The following ZZZ3 variants were observed in gnomAD, a reference collection of about 807,000 sequenced individuals.
ZZZ3 encodes the protein zinc finger ZZ-type containing 3.
Under a neutral mutation model 95.2 loss-of-function variants are expected in ZZZ3, and 22 were observed. That is an observed-to-expected ratio of 0.23 (90% confidence interval 0.17 to 0.33). The LOEUF is 0.33. Among genes scored for constraint, ZZZ3 ranks in the 10% least tolerant of loss-of-function variants. The pLI is 1.00. For synonymous variants in ZZZ3, 335 were observed against 358.9 expected (o/e 0.93, Z 0.75); for missense variants, 885 against 1,066.5 (o/e 0.83, Z 2.37).
intron 1 of ZZZ3, among the ~76,000 whole-genome samples, chr1:77,657,433 TA>T (rs969911983): frequency 1.4e-4 from 20 of 146,422 alleles, no homozygotes; most frequent in East Asian, 3.9e-4. Flanking sequence ...AAACCACCTC[TA>T]AAAAAAAAAG....
chr1:77,658,057 T>C (rs1238827266), intron 1 of ZZZ3, among the ~76,000 whole-genome samples: 1 of 151,642 alleles, frequency 6.6e-6, no homozygotes, highest in East Asian at 1.9e-4. Flanking sequence ...CACACACCTG[T>C]AATCCCAGCT....
chr1:77,596,935 T>C (rs753787166), intron 5 of ZZZ3, among the ~76,000 whole-genome samples: 15 of 152,090 alleles, frequency 9.9e-5, no homozygotes, highest in Non-Finnish European at 2.1e-4. Context: ...TGGGTTCATA[T>C]ACACAATTTT....
At chr1:77,636,069 A>G (rs1414626947) in intron 4 of ZZZ3, among the ~76,000 whole-genome samples, 3 of 152,222 alleles carry the variant, frequency 2.0e-5, no homozygotes, top group African/African-American at 7.2e-5. Flanking sequence ...GTTAAATTTA[A>G]TAACTAAAAT....
intron 1 of ZZZ3, among the ~76,000 whole-genome samples, chr1:77,647,267 C>A (rs1054806923): frequency 6.6e-6 from 1 of 152,056 alleles, no homozygotes; most frequent in Non-Finnish European, 1.5e-5. Context: ...ATCTATACTC[C>A]CAGCACTTTG....
At chr1:77,600,118 C>G (rs1446722357) in intron 5 of ZZZ3, among the ~76,000 whole-genome samples, 1 of 101,528 alleles carries the variant, frequency 9.8e-6, no homozygotes, top group East Asian at 3.0e-4. Flanking sequence ...GTATATGTCC[C>G]TATAAGACTT....
intron 5 of ZZZ3, among the ~76,000 whole-genome samples, chr1:77,613,818 T>C (rs1666046314): frequency 1.3e-5 from 2 of 152,120 alleles, no homozygotes; most frequent in Non-Finnish European, 2.9e-5. Flanking sequence ...CGAATATATA[T>C]TAAAATTTGA....
intron 5 of ZZZ3, among the ~76,000 whole-genome samples, chr1:77,628,445 T>A (rs1009556440): frequency 6.6e-6 from 1 of 152,288 alleles, no homozygotes; most frequent in Non-Finnish European, 1.5e-5. Context: ...ACACTGTGGA[T>A]TTATGCGCTA....
chr1:77,647,731 C>T (rs1185634855), intron 1 of ZZZ3, among the ~76,000 whole-genome samples: 2 of 152,134 alleles, frequency 1.3e-5, no homozygotes, highest in Non-Finnish European at 2.9e-5. Context: ...AATCGGCTCT[C>T]ATGAGCCAGC....
At chr1:77,655,091 G>A (rs1034828850) in intron 1 of ZZZ3, among the ~76,000 whole-genome samples, 8 of 152,162 alleles carry the variant, frequency 5.3e-5, no homozygotes, top group Non-Finnish European at 1.2e-4. Context: ...GGCTGAGCGT[G>A]CTAATGTGCT....
At chr1:77,590,460 T>C (rs1663572119) in intron 5 of ZZZ3, among the ~76,000 whole-genome samples, 2 of 152,244 alleles carry the variant, frequency 1.3e-5, no homozygotes, top group South Asian at 4.1e-4. Flanking sequence ...TTTGTTTACA[T>C]AATTTCTATG....
chr1:77,597,298 T>C (rs1008191223), intron 5 of ZZZ3, among the ~76,000 whole-genome samples: 2 of 152,012 alleles, frequency 1.3e-5, no homozygotes, highest in Admixed American at 1.3e-4. Flanking sequence ...CACACTGATA[T>C]AAATAAATGA....
chr1:77,622,577 T>G (rs1010910140), intron 5 of ZZZ3, among the ~76,000 whole-genome samples: 1 of 152,168 alleles, frequency 6.6e-6, no homozygotes, highest in Non-Finnish European at 1.5e-5. Flanking sequence ...ACAAAAATCC[T>G]TGAAATATCT....
chr1:77,578,766 T>A lies in ZZZ3; in HGVS notation c.2178+8A>T, dbSNP rs774015692. On this transcript the variant is annotated splice_region_variant and intron_variant, in intron 11 of 14. Coordinates refer to ENST00000370801, the MANE Select transcript of ZZZ3 (RefSeq NM_015534.6). ...ATCTACAGTTTACTTTCATGTATTT[T>A]CTTTTACCTTTTTGGAGTATATATA... 28 of 1,486,050 alleles carry A rather than the reference T, an allele frequency of 1.9e-5. No individual in the cohort carries two copies. The highest frequency in any genetic ancestry group is 2.4e-5 in the Non-Finnish European group (27 of 1,114,550). The allele number at this position is 1,486,050 out of a possible 1,614,324, so 92.1% of individuals were successfully genotyped here. A position where few individuals can be genotyped will look rare whatever the true frequency, so the allele number is the denominator to read the frequency against.
chr1:77,661,477 A>G (rs1472108343), intron 1 of ZZZ3, among the ~76,000 whole-genome samples: 1 of 152,154 alleles, frequency 6.6e-6, no homozygotes, highest in Non-Finnish European at 1.5e-5. Flanking sequence ...TTCCAATGCA[A>G]TGACTAAAAG....
intron 1 of ZZZ3, among the ~76,000 whole-genome samples, chr1:77,670,072 AC>A (rs5775412): frequency 0.43 from 48,614 of 113,696 alleles, 9,567 homozygotes; most frequent in African/African-American, 0.58. Flanking sequence ...AAATATTGTG[AC>A]CCCCCCCCCC....
At chr1:77,637,481 T>G (rs528603441) in intron 4 of ZZZ3, among the ~76,000 whole-genome samples, 34 of 152,276 alleles carry the variant, frequency 2.2e-4, no homozygotes, top group Admixed American at 1.3e-3. Flanking sequence ...TATAATTATC[T>G]AATAAACTGA....
intron 5 of ZZZ3, among the ~76,000 whole-genome samples, chr1:77,604,391 T>C (rs763073579): frequency 5.9e-5 from 9 of 152,204 alleles, no homozygotes; most frequent in Non-Finnish European, 1.3e-4. Flanking sequence ...CTGCTATTCA[T>C]AAGTAAAATG....
In ZZZ3 at chr1:77,632,076, G is replaced by C; in HGVS notation, c.1279C>G (p.Pro427Ala). ...TGAGAAATTTCACCAGGATTTGTAG[G>C]AGATTGACTTACATTATCACTAACA... ...ATVSDNVSQSPTNPGEISQNE... is the reference protein window; with the variant it reads ...ATVSDNVSQSATNPGEISQNE... Residue 427 changes from proline (P) to alanine (A), a missense_variant, in exon 5 of 15, where the codon CCT (proline) becomes GCT (alanine). By Grantham distance (27) the Pro-to-Ala change is conservative. This residue lies in a region of ZZZ3 where 556 missense variants were observed against 652.9 expected (regional missense o/e 0.85). Transcript: ENST00000370801. 1 of 1,614,050 alleles carries C rather than the reference G, an allele frequency of 6.2e-7. No homozygotes were observed. Among genetic ancestry groups the C allele is most frequent in the Non-Finnish European group, 8.5e-7 (1 of 1,179,972 alleles).
intron 3 of ZZZ3, among the ~76,000 whole-genome samples, chr1:77,640,377 G>T (rs921832129): frequency 2.0e-5 from 3 of 152,044 alleles, no homozygotes; most frequent in African/African-American, 7.2e-5. Flanking sequence ...AAGACAGGTG[G>T]ATCACAAGGT....
Sources: allele counts gnomAD v4.1 joint callset (sites outside exome capture counted in the v4.1 genomes callset), GRCh38; gene constraint gnomAD v4.1.1; regional missense constraint gnomAD v4.1.1; transcripts MANE v1.5; gene names NCBI Gene and HGNC (gene_info 2026-07-23, HGNC 2026-07-21).